The following CFAP54 variants were observed in gnomAD, a reference collection of about 807,000 sequenced individuals.
CFAP54 encodes cilia- and flagella-associated protein 54.
In CFAP54, 290 loss-of-function variants were observed where a neutral mutation model predicts 370.4. That is an observed-to-expected ratio of 0.78 (90% confidence interval 0.71 to 0.86). CFAP54 has a LOEUF of 0.86. CFAP54 is among the 40% of genes least tolerant of loss of function. CFAP54 has a pLI of 0.00. For synonymous variants in CFAP54, 1,206 were observed against 1,236.5 expected (o/e 0.98, Z 0.52); for missense variants, 3,399 against 3,528.7 (o/e 0.96, Z 0.93).
intron 63 of CFAP54, among the ~76,000 whole-genome samples, chr12:96,796,118 G>T (rs1033525541): frequency 6.6e-6 from 1 of 152,128 alleles, no homozygotes; most frequent in South Asian, 2.1e-4. Flanking sequence ...CACACATTGG[G>T]CACTCACAGT....
chr12:96,655,348 G>GA (rs990253875), intron 36 of CFAP54, among the ~76,000 whole-genome samples: 2 of 151,428 alleles, frequency 1.3e-5, no homozygotes, highest in Non-Finnish European at 2.9e-5. Context: ...CCTCCTATGT[G>GA]AACTATATTT....
intron 64 of CFAP54, among the ~76,000 whole-genome samples, chr12:96,815,329 G>A (rs1269751141): frequency 6.6e-6 from 1 of 151,958 alleles, no homozygotes; most frequent in African/African-American, 2.4e-5. Flanking sequence ...TTTTTCATAT[G>A]TTTGTTGGCT....
At chr12:96,795,686 C>A (rs1940669182) in intron 63 of CFAP54, among the ~76,000 whole-genome samples, 1 of 152,074 alleles carries the variant, frequency 6.6e-6, no homozygotes, top group African/African-American at 2.4e-5. Flanking sequence ...GGGCTGAGAA[C>A]ATGCCCCAGA....
At chr12:96,762,141 T>C (rs1200442188) in intron 58 of CFAP54, among the ~76,000 whole-genome samples, 1 of 152,224 alleles carries the variant, frequency 6.6e-6, no homozygotes, top group East Asian at 1.9e-4. Context: ...CTTTTTAGTG[T>C]ATGAGTCTTA....
In CFAP54 at chr12:96,859,498, T is replaced by C. The variant is rs1237695669; in HGVS notation, c.9172-1321T>C. The stretch of plus-strand genomic sequence containing the variant: ...TTGGCTTGCTGCAGCCTCTGCCTCC[T>C]GGGCTCAAGCAATTCTCCTGCCTCA... On this transcript the variant is annotated intron_variant, in intron 66 of 67. Transcript: ENST00000524981. Among the ~76,000 whole-genome samples, 4 of 152,082 alleles carry C rather than the reference T, an allele frequency of 2.6e-5. No homozygotes were observed. In the East Asian group the frequency reaches 5.8e-4, roughly 22 times the overall value.
chr12:96,873,688 T>C (rs1206782942), intron 67 of CFAP54, among the ~76,000 whole-genome samples: 2 of 152,214 alleles, frequency 1.3e-5, no homozygotes, highest in Non-Finnish European at 2.9e-5. Flanking sequence ...GCCATTACAG[T>C]GCAAAAGCAG....
At chr12:96,844,361 G>T (rs922734278) in intron 66 of CFAP54, among the ~76,000 whole-genome samples, 3 of 152,150 alleles carry the variant, frequency 2.0e-5, no homozygotes, top group Non-Finnish European at 4.4e-5. Flanking sequence ...GAGCCATGAA[G>T]GTGAAGAAAG....
chr12:96,654,224 G>A (rs1956894279), intron 36 of CFAP54, among the ~76,000 whole-genome samples: 1 of 152,016 alleles, frequency 6.6e-6, no homozygotes, highest in African/African-American at 2.4e-5. Flanking sequence ...AATTTAGGCC[G>A]GGCGCGGTGG....
At chr12:96,782,098 A>G (rs1201708995) in intron 60 of CFAP54, among the ~76,000 whole-genome samples, 1 of 152,114 alleles carries the variant, frequency 6.6e-6, no homozygotes, top group East Asian at 1.9e-4. Flanking sequence ...AAAAATAATA[A>G]TCATCTCAAA....
intron 8 of CFAP54, among the ~76,000 whole-genome samples, chr12:96,525,963 C>T (rs1421616372): frequency 2.6e-5 from 4 of 152,214 alleles, no homozygotes; most frequent in African/African-American, 9.6e-5. Context: ...GGATTACAGG[C>T]GTGAGCCGCC....
chr12:96,760,771 G>A (rs1323496820), intron 58 of CFAP54, among the ~76,000 whole-genome samples: 1 of 152,188 alleles, frequency 6.6e-6, no homozygotes, highest in Non-Finnish European at 1.5e-5. Context: ...GTTGACCCAT[G>A]TTGTAGTGTG....
intron 45 of CFAP54, among the ~76,000 whole-genome samples, chr12:96,697,836 C>T (rs73379242): frequency 0.019 from 2,938 of 152,280 alleles, 106 homozygotes; most frequent in African/African-American, 0.067. Flanking sequence ...TAACTCCTTA[C>T]CACACAGAGA....
intron 67 of CFAP54, among the ~76,000 whole-genome samples, chr12:96,867,979 G>GTA (rs1374180419): frequency 6.6e-6 from 1 of 151,968 alleles, no homozygotes; most frequent in Non-Finnish European, 1.5e-5. Context: ...AATAATCAAT[G>GTA]TATATATATT....
intron 39 of CFAP54, among the ~76,000 whole-genome samples, chr12:96,677,153 C>A (rs1051457353): frequency 6.6e-6 from 1 of 151,392 alleles, no homozygotes; most frequent in Non-Finnish European, 1.5e-5. Flanking sequence ...CAGGCACATG[C>A]CCCTGCACCC....
chr12:96,853,357 A>G (rs534795922), intron 66 of CFAP54, among the ~76,000 whole-genome samples: 1 of 152,240 alleles, frequency 6.6e-6, no homozygotes, highest in East Asian at 1.9e-4. Context: ...ACAAATACAT[A>G]TATATACACA....
At chr12:96,808,474 C>A (rs1958902983) in intron 63 of CFAP54, among the ~76,000 whole-genome samples, 1 of 152,096 alleles carries the variant, frequency 6.6e-6, no homozygotes. Context: ...GCATGGAAGG[C>A]TAAAGAAAGC....
At position 96,677,178 on chromosome 12, in the gene CFAP54, A is replaced by AT. The variant is rs762328704; in HGVS notation, c.5564-2418dup. 7.8e-4 allele frequency among the ~76,000 whole-genome samples: 89 copies of AT among 114,584 alleles called. 1 individual carries two copies. Among genetic ancestry groups the AT allele is most frequent in the South Asian group, 3.8e-3 (15 of 3,930 alleles). The allele number at this position is 114,584 out of a possible 152,430, so 75.2% of individuals were successfully genotyped here. A position where few individuals can be genotyped will look rare whatever the true frequency, so the allele number is the denominator to read the frequency against. ...CCCCTGCACCCAGCTAACTTATTTT[A>AT]TTTTATTTTTTTTGTAGAGACAGGG... On this transcript the variant is annotated intron_variant, in intron 39 of 67. Coordinates refer to ENST00000524981, the MANE Select transcript of CFAP54 (RefSeq NM_001306084.2).
Position 96,743,775 on chromosome 12 carries a change from A to G in CFAP54, c.7422A>G (p.Gln2474=), listed in dbSNP as rs773892817. 9 of 1,612,602 alleles carry G rather than the reference A, an allele frequency of 5.6e-6. No homozygotes were observed. Among genetic ancestry groups the G allele is most frequent in the South Asian group, 1.1e-5 (1 of 90,718 alleles). The change falls in exon 54 of 68, where the codon CAA becomes CAG. Residue 2474 remains glutamine, a synonymous_variant. Coordinates refer to ENST00000524981, the MANE Select transcript of CFAP54 (RefSeq NM_001306084.2). ...AAGGAAATGAATTTATTTCTCCTCA[A>G]TCACGGCTAACCCTGGCAAGAAGCC... The part of the protein sequence containing the change: ...LLEGNEFISP[Q]SRLTLARSLV...
At chr12:96,541,709 C>T (rs1164014860) in intron 14 of CFAP54, among the ~76,000 whole-genome samples, 1 of 152,184 alleles carries the variant, frequency 6.6e-6, no homozygotes, top group East Asian at 1.9e-4. Flanking sequence ...AATCATCTGA[C>T]ACAGCGCAGG....
Sources: gnomAD v4.1 joint callset for allele counts (sites outside exome capture counted in the v4.1 genomes callset) on GRCh38, gnomAD v4.1.1 for gene constraint, MANE v1.5 for transcripts, NCBI Gene and HGNC (gene_info 2026-07-23, HGNC 2026-07-21) for gene names.